ANKRD13C: variants seen among roughly 807,000 people sequenced by gnomAD.
ANKRD13C encodes the protein ankyrin repeat domain-containing protein 13C.
ANKRD13C carries 16 observed loss-of-function variants against 65.5 expected under a neutral mutation model. The ratio of observed to expected loss-of-function variants is 0.24; its 90% CI spans 0.17 to 0.37. ANKRD13C has a LOEUF of 0.37. Among genes scored for constraint, ANKRD13C ranks in the 10% least tolerant of loss-of-function variants. The probability of loss-of-function intolerance (pLI) is 1.00; values close to 1 mark genes in which losing one functional copy is unlikely to be tolerated. For missense variants in ANKRD13C, 503 were observed against 655.9 expected, an observed-to-expected ratio of 0.77 and a Z score of 2.55; for synonymous variants, 235 against 238.7, an observed-to-expected ratio of 0.98 and a Z score of 0.14.
chr1:70,354,097 G>A lies in ANKRD13C; in HGVS notation c.312C>T (p.Val104=), dbSNP rs376840220. 2 of 1,612,556 alleles carry A rather than the reference G, an allele frequency of 1.2e-6. No individual in the cohort carries two copies. Among genetic ancestry groups the A allele is most frequent in the Non-Finnish European group, 8.5e-7 (1 of 1,178,928 alleles). Residue 104 remains valine (V), a synonymous_variant, in exon 1 of 13, where the codon GTC becomes GTT. Transcript: ENST00000370944. ...LLAGTNPVAV[V]ADGGSCPAHY... is the part of the protein sequence containing the mutation. The stretch of plus-strand genomic sequence containing the variant: ...GTGCGGGGCAACTGCCTCCATCCGC[G>A]ACGACAGCAACGGGGTTGGTGCCGG...
chr1:70,344,522 C>T (rs887551409), intron 1 of ANKRD13C, among the ~76,000 whole-genome samples: 4 of 151,872 alleles, frequency 2.6e-5, no homozygotes, highest in Non-Finnish European at 5.9e-5. Flanking sequence ...TAATGGGTAT[C>T]TATTAAATGT....
In ANKRD13C at chr1:70,273,018, T is replaced by TA. The variant is rs546458892; in HGVS notation, c.1394+1701dup. ...ATAAATAAATAAATAAATAAATAAA[T>TA]AAATAAAATAATAAAATAAAATTGG... On this transcript the variant is annotated intron_variant, in intron 11 of 12. Transcript: ENST00000370944. Among the ~76,000 whole-genome samples, 47 of 150,992 alleles carry TA rather than the reference T, an allele frequency of 3.1e-4. No individual in the cohort carries two copies. The South Asian group carries it at 9.6e-3, about 31-fold the overall frequency.
intron 9 of ANKRD13C, among the ~76,000 whole-genome samples, chr1:70,291,446 G>A (rs902384275): frequency 3.3e-5 from 5 of 152,144 alleles, no homozygotes; most frequent in Admixed American, 3.3e-4. Context: ...CTTCACAGAG[G>A]AATAAGATTT....
rs1291129150 is a variant in ANKRD13C, at chr1:70,261,775, C to T, written c.*942G>A. 2.0e-5 allele frequency: 3 copies of T among 152,306 alleles called. No homozygotes were observed. Among genetic ancestry groups the T allele is most frequent in the Admixed American group, 6.6e-5 (1 of 15,248 alleles). 9.4% of individuals were successfully genotyped at this position (152,306 alleles called of 1,614,324 possible). ...TGTGTATTGTTTTTTAAAACTGACA[C>T]CAATGCATCCATATTCTACTAAAAA... is the stretch of plus-strand genomic sequence containing the variant. On this transcript the variant is annotated 3_prime_UTR_variant, in exon 13 of 13. Coordinates refer to ENST00000370944, the MANE Select transcript of ANKRD13C (RefSeq NM_030816.5).
rs140552356 is a variant in ANKRD13C at position 70,342,127 on chromosome 1, G to T, written c.431-6028C>A. 2.7e-3 allele frequency among the ~76,000 whole-genome samples: 414 copies of T among 151,896 alleles called. 3 individuals carry two copies. Among genetic ancestry groups the T allele is most frequent in the African/African-American group, 9.2e-3 (383 of 41,408 alleles). On this transcript the variant is annotated intron_variant, in intron 1 of 12. Transcript: ENST00000370944. ...GGTGAAAGGGGAGGAGGCAGAAAAT[G>T]ATAACTCCATTTTGGACAAGTTAAT...
chr1:70,353,846 T>C (rs1393460763), intron 1 of ANKRD13C, 133 bp downstream of exon 1: 2 of 1,248,444 alleles, frequency 1.6e-6, no homozygotes, highest in East Asian at 2.7e-5. Flanking sequence ...GAGTCGATCA[T>C]GATTTACCGA....
intron 5 of ANKRD13C, among the ~76,000 whole-genome samples, chr1:70,312,149 T>C (rs1374514937): frequency 6.6e-6 from 1 of 152,162 alleles, no homozygotes; most frequent in East Asian, 1.9e-4. Context: ...TAATTAAAGT[T>C]TAAATCTGGT....
At chr1:70,272,558 C>A (rs1678938665) in intron 11 of ANKRD13C, among the ~76,000 whole-genome samples, 1 of 151,912 alleles carries the variant, frequency 6.6e-6, no homozygotes, top group Admixed American at 6.6e-5. Flanking sequence ...GTGGTTATAA[C>A]TGCCACATTT....
Position 70,354,540 on chromosome 1 carries a change from C to G in ANKRD13C, c.-132G>C. 1 of 1,439,372 alleles carries G rather than the reference C, an allele frequency of 6.9e-7. No individual in the cohort carries two copies. The highest frequency in any genetic ancestry group is 9.1e-7 in the Non-Finnish European group (1 of 1,101,918). The allele number at this position is 1,439,372 out of a possible 1,614,324, so 89.2% of individuals were successfully genotyped here. A position where few individuals can be genotyped will look rare whatever the true frequency, so the allele number is the denominator to read the frequency against. ...GCAGCATGAACTCCCACTGAGCCCCCGAGCCTGGGACAAACGCATCTCCCG... is the reference window on the plus strand; with the variant it reads ...GCAGCATGAACTCCCACTGAGCCCCGGAGCCTGGGACAAACGCATCTCCCG... On this transcript the variant is annotated 5_prime_UTR_variant, in exon 1 of 13. Coordinates refer to ENST00000370944, the MANE Select transcript of ANKRD13C (RefSeq NM_030816.5).
rs1366210181 is a variant in ANKRD13C, at chr1:70,339,820, T to C, written c.431-3721A>G. Among the ~76,000 whole-genome samples the C allele has an allele frequency of 1.4e-3, 104 of 73,974 alleles. 1 individual carries two copies. The highest frequency in any genetic ancestry group is 5.6e-3 in the African/African-American group (90 of 16,044). The allele number at this position is 73,974 out of a possible 152,430, so 48.5% of individuals were successfully genotyped here. ...TTCTCTTGATCAGTACGTTTATTAT[T>C]ATTATTATTATTATTATTATTATTA... On this transcript the variant is annotated intron_variant, in intron 1 of 12. Coordinates refer to ENST00000370944, the MANE Select transcript of ANKRD13C (RefSeq NM_030816.5).
At chr1:70,301,867 C>T (rs141744475) in intron 6 of ANKRD13C, among the ~76,000 whole-genome samples, 1 of 152,356 alleles carries the variant, frequency 6.6e-6, no homozygotes, top group African/African-American at 2.4e-5. Context: ...ATCACCCCAG[C>T]TAATGGCTGC....
At chr1:70,285,609 A>G (rs1679588039) in intron 9 of ANKRD13C, among the ~76,000 whole-genome samples, 1 of 150,764 alleles carries the variant, frequency 6.6e-6, no homozygotes, top group South Asian at 2.1e-4. Context: ...TTAACCTCAC[A>G]TTAAATAATA....
rs1219819787 is a variant in ANKRD13C at position 70,301,210 on chromosome 1, C to CAT, written c.777-304_777-303dup. On this transcript the variant is annotated intron_variant, in intron 6 of 12. Transcript: ENST00000370944. Reference sequence around the variant, plus strand: ...ATATATATATACACATACACACACACATATATATATACACACACATATTTC... The same window carrying CAT: ...ATATATATATACACATACACACACACATATATATATATACACACACATATTTC... Among the ~76,000 whole-genome samples, 32 of 146,686 alleles carry CAT rather than the reference C, an allele frequency of 2.2e-4. No individual in the cohort carries two copies. The South Asian group carries it at 3.1e-3, about 14-fold the overall frequency.
intron 2 of ANKRD13C, among the ~76,000 whole-genome samples, chr1:70,327,959 G>A (rs1242447483): frequency 2.0e-5 from 3 of 152,056 alleles, no homozygotes; most frequent in Admixed American, 6.6e-5. Context: ...CAGCTACTAC[G>A]GAGGCTGAGG....
intron 7 of ANKRD13C, among the ~76,000 whole-genome samples, chr1:70,298,435 T>G (rs1680186846): frequency 6.6e-6 from 1 of 152,178 alleles, no homozygotes; most frequent in South Asian, 2.1e-4. Context: ...GGAATACTGC[T>G]CAAAATTTAT....
intron 1 of ANKRD13C, among the ~76,000 whole-genome samples, chr1:70,337,911 C>T (rs1572166468): frequency 6.6e-6 from 1 of 152,096 alleles, no homozygotes; most frequent in East Asian, 1.9e-4. Flanking sequence ...ACCAGCCTGA[C>T]CAAGATGGAG....
intron 1 of ANKRD13C, among the ~76,000 whole-genome samples, chr1:70,346,083 C>G (rs1017332506): frequency 1.3e-5 from 2 of 151,962 alleles, no homozygotes; most frequent in African/African-American, 4.8e-5. Context: ...CCTCCCATCT[C>G]GTCCTCCCAA....
At chr1:70,330,573 C>CAAAAAAAAAAAAAAA (rs1491582296) in intron 2 of ANKRD13C, among the ~76,000 whole-genome samples, 1 of 39,994 alleles carries the variant, frequency 2.5e-5, no homozygotes, top group Non-Finnish European at 4.7e-5. Context: ...AACAAACAAA[C>CAAAAAAAAAAAAAAA]CAAAAAAAAA....
rs1681467333 is a variant in ANKRD13C, at chr1:70,324,968, AAGT to A, written c.473-14_473-12del. On this transcript the variant is annotated splice_polypyrimidine_tract_variant and intron_variant, in intron 2 of 12. Coordinates refer to ENST00000370944, the MANE Select transcript of ANKRD13C (RefSeq NM_030816.5). ...GTAAATGGGCACATTCTGCAATATA[AAGT>A]AGTAATAATATCAAACATCATGCAA... The A allele has an allele frequency of 1.3e-6, 2 of 1,579,746 alleles. No homozygotes were observed. Among genetic ancestry groups the A allele is most frequent in the Admixed American group, 1.7e-5 (1 of 58,270 alleles).
Sources: allele counts gnomAD v4.1 joint callset (sites outside exome capture counted in the v4.1 genomes callset), GRCh38; gene constraint gnomAD v4.1.1; transcripts MANE v1.5; gene names NCBI Gene and HGNC (gene_info 2026-07-23, HGNC 2026-07-21).